The following DCTN1 variants were observed in gnomAD, a reference collection of about 807,000 sequenced individuals.
DCTN1 encodes 150 kDa dynein-associated polypeptide.
A neutral mutation model predicts 161.2 loss-of-function variants in DCTN1; 61 were observed. The ratio of observed to expected loss-of-function variants is 0.38; its 90% CI spans 0.31 to 0.47. The LOEUF (loss-of-function observed/expected upper bound fraction) is 0.47. DCTN1 is among the 20% of genes least tolerant of loss of function. The probability of loss-of-function intolerance (pLI) is 0.99; values close to 1 mark genes in which losing one functional copy is unlikely to be tolerated. For missense variants in DCTN1, 1,404 were observed against 1,623.7 expected, an observed-to-expected ratio of 0.86 and a Z score of 2.33; for synonymous variants, 653 against 632.4, an observed-to-expected ratio of 1.03 and a Z score of -0.49.
At chr2:74,373,722 A>C (rs756323400) in intron 6 of DCTN1, among the ~76,000 whole-genome samples, 10 of 152,236 alleles carry the variant, frequency 6.6e-5, no homozygotes, top group Non-Finnish European at 1.3e-4. Context: ...CAATTTCCAA[A>C]TAGTGTTCTT....
chr2:74,371,853 G>T, intron 7 of DCTN1, 125 bp from the exon 8 acceptor site: 1 of 763,250 alleles, frequency 1.3e-6, no homozygotes, highest in Non-Finnish European at 2.2e-6. Context: ...CAGAAAGAGA[G>T]TATCAAAGCA....
rs1399640865 is a variant in DCTN1, at chr2:74,365,111, AAGG to A, written c.3157_3159del (p.Pro1053del). 1 of 1,614,134 alleles carries A rather than the reference AAGG, an allele frequency of 6.2e-7. No individual in the cohort carries two copies. Among genetic ancestry groups the A allele is most frequent in the African/African-American group, 1.3e-5 (1 of 75,024 alleles). ...CCAGAGACCAGAGTAGCAATGCCTG[AAGG>A]AGGAGGGCCCCGGAGTCCCTCAATC... On this transcript the variant is annotated inframe_deletion, in exon 26 of 32. Transcript: ENST00000628224.
chr2:74,382,053 C>G (rs79124272), upstream of DCTN1, among the ~76,000 whole-genome samples: 6,040 of 152,238 alleles, frequency 0.04, 406 homozygotes, highest in African/African-American at 0.14. Flanking sequence ...CCAGAGCCCT[C>G]TGTGCTTTCT....
At chr2:74,363,466 A>T in intron 27 of DCTN1, 39 bp from the exon 28 acceptor site, 1 of 1,609,340 alleles carries the variant, frequency 6.2e-7, no homozygotes, top group Non-Finnish European at 8.5e-7. Context: ...CCCCAAGTGG[A>T]AAGGGTTGAA....
chr2:74,371,253 C>A (rs1674821646), intron 8 of DCTN1, 77 bp from the exon 9 acceptor site: 6 of 1,606,176 alleles, frequency 3.7e-6, no homozygotes, highest in African/African-American at 2.7e-5. Flanking sequence ...GCAAAGAACA[C>A]AAGAAAGTGT....
At chr2:74,374,530 G>T in intron 5 of DCTN1, 190 bp from the exon 6 acceptor site, 1 of 1,412,806 alleles carries the variant, frequency 7.1e-7, no homozygotes. Context: ...CTCCCGGTGC[G>T]GCAGCTTCCC....
Position 74,369,533 on chromosome 2 carries a change from T to TC in DCTN1, c.1393-43dup. 2 of 1,602,096 alleles carry TC rather than the reference T, an allele frequency of 1.2e-6. No individual in the cohort carries two copies. Among genetic ancestry groups the TC allele is most frequent in the African/African-American group, 1.3e-5 (1 of 74,972 alleles). ...TAGTTTGGGCTAAAGAAAGGCAGGG[T>TC]CGGCCAGCGGCGGTGGTTCACACCT... On this transcript the variant is annotated intron_variant, in intron 13 of 31. Transcript: ENST00000628224. This position sits in a 1 kb window ranked among gnomAD's most constrained non-coding sequence, Gnocchi z 4.9.
In DCTN1 at chr2:74,363,369, T is replaced by C. The variant is rs148457249; in HGVS notation, c.3270A>G (p.Ser1090=). ...CAGAGATCTGCTGAAGCAGCAGTGG[T>C]GAGTCCTTCACCAGCCCTGGGCCTG... is the stretch of plus-strand genomic sequence containing the variant. ...SVPGPGLVKD[S]PLLLQQISAM... The change falls in exon 28 of 32, where the codon TCA becomes TCG. Residue 1090 remains serine, a synonymous_variant. Transcript: ENST00000628224. 1 of 1,612,332 alleles carries C rather than the reference T, an allele frequency of 6.2e-7. No homozygotes were observed. Among genetic ancestry groups the C allele is most frequent in the Non-Finnish European group, 8.5e-7 (1 of 1,179,476 alleles).
In DCTN1 at chr2:74,370,605, G is replaced by A; in HGVS notation, c.1048+16C>T. On this transcript the variant is annotated intron_variant, in intron 10 of 31. Coordinates refer to ENST00000628224, the MANE Select transcript of DCTN1 (RefSeq NM_004082.5). This position sits in a 1 kb window ranked among gnomAD's most constrained non-coding sequence, Gnocchi z 4.4. ...TCACCTGACCGTTTGGCCCCCAGCA[G>A]CTGTGGGCCCCTTACCCTTCTCTTC... is the stretch of plus-strand genomic sequence containing the variant. The A allele has an allele frequency of 6.2e-7, 1 of 1,614,110 alleles. No individual in the cohort carries two copies. Among genetic ancestry groups the A allele is most frequent in the Non-Finnish European group, 8.5e-7 (1 of 1,180,044 alleles).
chr2:74,367,653 G>A (rs1263039669), intron 18 of DCTN1, 43 bp downstream of exon 18: 1 of 1,613,416 alleles, frequency 6.2e-7, no homozygotes, highest in Admixed American at 1.7e-5. Flanking sequence ...TCAAGTGAAA[G>A]CTTCCCTGCC....
chr2:74,368,683 C>T (rs376726488), intron 16 of DCTN1, 45 bp downstream of exon 16: 19 of 1,614,036 alleles, frequency 1.2e-5, no homozygotes, highest in Non-Finnish European at 1.5e-5. Context: ...TGGTTCATGG[C>T]AAGTTCACTA....
intron 30 of DCTN1, 62 bp downstream of exon 30, chr2:74,362,588 C>G: frequency 6.4e-7 from 1 of 1,560,688 alleles, no homozygotes; most frequent in South Asian, 1.1e-5. Flanking sequence ...AGGAACTCCA[C>G]AAGTGCCTGG....
chr2:74,374,373 A>G, intron 5 of DCTN1, 33 bp from the exon 6 acceptor site: 3 of 1,612,586 alleles, frequency 1.9e-6, no homozygotes, highest in Non-Finnish European at 2.5e-6. Context: ...CAAAGAAAGC[A>G]AGGAGAGGAA....
chr2:74,363,866 AG>A (rs1674209173), intron 26 of DCTN1: 11 of 615,994 alleles, frequency 1.8e-5, no homozygotes, highest in Non-Finnish European at 1.8e-5. Flanking sequence ...CAATGTGTGA[AG>A]AACAGTGGCA....
chr2:74,366,606 G>A lies in DCTN1; in HGVS notation c.2481C>T (p.Leu827=), dbSNP rs1322240509. 3 of 1,612,230 alleles carry A rather than the reference G, an allele frequency of 1.9e-6. No homozygotes were observed. The highest frequency in any genetic ancestry group is 2.7e-5 in the African/African-American group (2 of 74,948). Reference sequence around the variant, plus strand: ...ACGTCAAGTGTTTCCTGCAGTCTAGGAGCGTGTCAGATACCTGTGTGCCAG... The same window carrying A: ...ACGTCAAGTGTTTCCTGCAGTCTAGAAGCGTGTCAGATACCTGTGTGCCAG... ...LAFGPQVSDT[L]LDCRKHLTWV... Residue 827 remains leucine (L), a synonymous_variant, in exon 22 of 32, where the codon CTC becomes CTT. Coordinates refer to ENST00000628224, the MANE Select transcript of DCTN1 (RefSeq NM_004082.5).
Position 74,369,816 on chromosome 2 carries a change from GAA to G in DCTN1, c.1392+147_1392+148del, listed in dbSNP as rs58901202. On this transcript the variant is annotated intron_variant, in intron 13 of 31. Coordinates refer to ENST00000628224, the MANE Select transcript of DCTN1 (RefSeq NM_004082.5). This position sits in a 1 kb window ranked among gnomAD's most constrained non-coding sequence, Gnocchi z 4.9. ...GGCAACAGAGCGAGATTCCATCTCA[GAA>G]AAAAAAAAAAAAAAAAAAGGCAGGG... The G allele has an allele frequency of 0.019, 9,335 of 502,218 alleles. No homozygotes were observed. The highest frequency in any genetic ancestry group is 0.025 in the East Asian group (730 of 28,950). 31.1% of individuals were successfully genotyped at this position (502,218 alleles called of 1,614,324 possible).
At chr2:74,377,344 T>G in intron 4 of DCTN1, 88 bp downstream of exon 4, 1 of 1,182,358 alleles carries the variant, frequency 8.5e-7, no homozygotes, top group Non-Finnish European at 1.3e-6. Flanking sequence ...ACTCACCTAC[T>G]ACTTCTACCT....
Position 74,371,521 on chromosome 2 carries a change from CTACCCCAGGCCT to C in DCTN1, c.645+4_645+15del. 1 of 1,558,494 alleles carries C rather than the reference CTACCCCAGGCCT, an allele frequency of 6.4e-7. No homozygotes were observed. Among genetic ancestry groups the C allele is most frequent in the Non-Finnish European group, 8.7e-7 (1 of 1,151,476 alleles). ...TGGGTGTCTTGATTCTCCTTTACCC[CTACCCCAGGCCT>C]TACCTTGGATGGGGAAGGAAGCGGG... On this transcript the variant is annotated splice_donor_5th_base_variant and intron_variant, in intron 8 of 31. Transcript: ENST00000628224.
Position 74,365,095 on chromosome 2 carries a change from A to G in DCTN1, c.3176T>C (p.Leu1059Pro). The G allele has an allele frequency of 6.2e-7, 1 of 1,614,136 alleles. No individual in the cohort carries two copies. The highest frequency in any genetic ancestry group is 8.5e-7 in the Non-Finnish European group (1 of 1,180,010). ...CTCACCACCAGCAATGCCAGAGACC[A>G]GAGTAGCAATGCCTGAAGGAGGAGG... ...RGPPPSGIAT[L>P]VSGIAGEEQQ... The change falls in exon 26 of 32, where the codon CTG (leucine) becomes CCG (proline). Residue 1059 changes from leucine to proline, a missense_variant. Leu to Pro is a moderately conservative substitution (Grantham distance 98, BLOSUM62 -3). Around this residue, in one of 9 missense-constraint regions of DCTN1, gnomAD observed 311 missense variants for 298.9 expected, o/e 1.04. Coordinates refer to ENST00000628224, the MANE Select transcript of DCTN1 (RefSeq NM_004082.5).
Sources: gnomAD v4.1 joint callset for allele counts (sites outside exome capture counted in the v4.1 genomes callset) on GRCh38, gnomAD v4.1.1 for gene constraint, gnomAD v4.1.1 regional missense constraint, Gnocchi (gnomAD v3.1) non-coding constraint, MANE v1.5 for transcripts, NCBI Gene and HGNC (gene_info 2026-07-23, HGNC 2026-07-21) for gene names.